Variants in RASSF6 observed in about 807,000 individuals in gnomAD.
RASSF6 encodes the protein Ras association domain family member 6, also known as ras association domain-containing protein 6.
Under a neutral mutation model 44.0 loss-of-function variants are expected in RASSF6, and 52 were observed. The ratio of observed to expected loss-of-function variants is 1.18; its 90% CI spans 0.95 to 1.49. The LOEUF (loss-of-function observed/expected upper bound fraction) is 1.49. Ranked by LOEUF, RASSF6 falls within the 40% of genes most tolerant of loss-of-function variation. RASSF6 has a pLI of 0.00. For synonymous variants in RASSF6, 162 were observed against 124.6 expected, an observed-to-expected ratio of 1.30 and a Z score of -2.00; for missense variants, 464 against 393.3, an observed-to-expected ratio of 1.18 and a Z score of -1.52.
intron 3 of RASSF6, among the ~76,000 whole-genome samples, chr4:73,595,419 G>A (rs1016040578): frequency 1.3e-5 from 2 of 151,950 alleles, no homozygotes; most frequent in Non-Finnish European, 2.9e-5. Context: ...GGCTGGTCTC[G>A]AACTCCTGAT....
At chr4:73,588,038 T>C (rs1724238944) in intron 4 of RASSF6, 104 bp from the exon 5 acceptor site, 5 of 627,148 alleles carry the variant, frequency 8.0e-6, no homozygotes, top group South Asian at 7.7e-5. Context: ...TGGGCCTCTG[T>C]AGGTGGATAT....
In RASSF6 at chr4:73,602,968, G is replaced by A. The variant is rs1337757784; in HGVS notation, c.66-4250C>T. Among the ~76,000 whole-genome samples, 6 of 152,062 alleles carry A rather than the reference G, an allele frequency of 3.9e-5. No individual in the cohort carries two copies. The East Asian group carries it at 1.2e-3, about 29-fold the overall frequency. ...CAGGGCGCGGTGGCGGGCGCTTGTA[G>A]TCCCAGCTACTCAGGAGGCTGAGGC... On this transcript the variant is annotated intron_variant, in intron 2 of 10. Coordinates refer to ENST00000307439, the MANE Select transcript of RASSF6 (RefSeq NM_177532.5).
At chr4:73,605,211 G>A (rs1050336429) in intron 2 of RASSF6, among the ~76,000 whole-genome samples, 4 of 152,074 alleles carry the variant, frequency 2.6e-5, no homozygotes, top group Admixed American at 6.5e-5. Context: ...TATAAGAAAC[G>A]TGTGATACTT....
intron 4 of RASSF6, among the ~76,000 whole-genome samples, chr4:73,589,937 A>G (rs1459969521): frequency 6.6e-6 from 1 of 152,206 alleles, no homozygotes; most frequent in Admixed American, 6.5e-5. Flanking sequence ...CACTGACGTT[A>G]TTCAAATGTA....
chr4:73,593,684 G>T lies in RASSF6; in HGVS notation c.145-91C>A. 75 of 936,822 alleles carry T rather than the reference G, an allele frequency of 8.0e-5. No homozygotes were observed. In the Middle Eastern group the frequency reaches 1.1e-3, roughly 14 times the overall value. 58.0% of individuals were successfully genotyped at this position (936,822 alleles called of 1,614,324 possible). On this transcript the variant is annotated intron_variant, in intron 3 of 10. Transcript: ENST00000307439. ...GAAGATGTAGAAATTAAGTGCGTAA[G>T]AAACCTAAATAGATTAAAAAGAAAC...
chr4:73,611,952 A>C (rs1726045968), intron 1 of RASSF6, 123 bp from the exon 2 acceptor site: 1 of 558,934 alleles, frequency 1.8e-6, no homozygotes, highest in Admixed American at 2.9e-5. Flanking sequence ...GTTTTTAAGT[A>C]GTATGTCATG....
intron 2 of RASSF6, among the ~76,000 whole-genome samples, chr4:73,599,860 C>T (rs965807689): frequency 6.6e-6 from 1 of 152,176 alleles, no homozygotes; most frequent in Non-Finnish European, 1.5e-5. Context: ...AACTGGTCTT[C>T]TGTTACCTCT....
chr4:73,600,451 T>A (rs1725205591), intron 2 of RASSF6, among the ~76,000 whole-genome samples: 1 of 152,134 alleles, frequency 6.6e-6, no homozygotes, highest in Admixed American at 6.5e-5. Context: ...CTAAAATCCC[T>A]TTGATCCTCA....
chr4:73,615,978 C>A, intron 1 of RASSF6: 2 of 1,506,036 alleles, frequency 1.3e-6, no homozygotes, highest in South Asian at 1.2e-5. Flanking sequence ...TTTAAAGTAA[C>A]TTCCTGTTAT....
chr4:73,581,757 C>G (rs1723663884), intron 8 of RASSF6, 60 bp downstream of exon 8: 3 of 1,136,232 alleles, frequency 2.6e-6, no homozygotes, highest in Non-Finnish European at 2.6e-6. Context: ...CTGCCTTCCC[C>G]CTGGGCAGCA....
At chr4:73,618,062 C>T (rs1441387561) in intron 1 of RASSF6, among the ~76,000 whole-genome samples, 8 of 152,100 alleles carry the variant, frequency 5.3e-5, no homozygotes, top group Non-Finnish European at 1.0e-4. Flanking sequence ...AGGTATAGAA[C>T]TTTTAATTAC....
chr4:73,612,881 C>A lies in RASSF6; in HGVS notation c.-34-1052G>T, dbSNP rs1463114389. On this transcript the variant is annotated intron_variant, in intron 1 of 10. Transcript: ENST00000307439. ...CAAGTTTTCTTCAATTCCACTCAAA[C>A]CTACCTTTCCAGGCTCCAAATTGAA... Among the ~76,000 whole-genome samples the A allele has an allele frequency of 2.6e-5, 4 of 152,160 alleles. No individual in the cohort carries two copies. The East Asian group carries it at 7.7e-4, about 29-fold the overall frequency.
At chr4:73,602,932 C>CA (rs1240554792) in intron 2 of RASSF6, among the ~76,000 whole-genome samples, 3 of 151,990 alleles carry the variant, frequency 2.0e-5, no homozygotes, top group Non-Finnish European at 4.4e-5. Flanking sequence ...ACTAAATATA[C>CA]AAAAAATTAG....
intron 1 of RASSF6, among the ~76,000 whole-genome samples, chr4:73,620,015 G>A (rs568841836): frequency 2.0e-5 from 3 of 152,156 alleles, no homozygotes; most frequent in African/African-American, 4.8e-5. Context: ...CTAAAGGGAG[G>A]AGGGGTCCTA....
intron 2 of RASSF6, among the ~76,000 whole-genome samples, chr4:73,602,313 G>T (rs964388972): frequency 2.6e-5 from 4 of 152,226 alleles, no homozygotes; most frequent in Non-Finnish European, 5.9e-5. Context: ...ACAAGATAGA[G>T]CCAGCAAGAT....
intron 1 of RASSF6, among the ~76,000 whole-genome samples, chr4:73,616,777 C>G (rs1458364038): frequency 2.0e-5 from 3 of 152,120 alleles, no homozygotes; most frequent in Non-Finnish European, 2.9e-5. Context: ...CACGGAGAGT[C>G]TTTTTAATAA....
chr4:73,589,984 A>T (rs1724405843), intron 4 of RASSF6, among the ~76,000 whole-genome samples: 1 of 152,198 alleles, frequency 6.6e-6, no homozygotes, highest in African/African-American at 2.4e-5. Context: ...TTATTCTGTC[A>T]TGACTTGTCC....
chr4:73,583,930 G>A (rs1723871949), intron 6 of RASSF6, among the ~76,000 whole-genome samples: 1 of 152,092 alleles, frequency 6.6e-6, no homozygotes, highest in Admixed American at 6.6e-5. Context: ...CCAACCTAGT[G>A]TCAATTTCAT....
chr4:73,582,128 G>T, intron 7 of RASSF6, 61 bp downstream of exon 7: 1 of 809,626 alleles, frequency 1.2e-6, no homozygotes, highest in Non-Finnish European at 2.0e-6. Flanking sequence ...GAGTGGATTT[G>T]TGTGTTTATA....
Sources: gnomAD v4.1 joint callset for allele counts (sites outside exome capture counted in the v4.1 genomes callset) on GRCh38, gnomAD v4.1.1 for gene constraint, MANE v1.5 for transcripts, NCBI Gene and HGNC (gene_info 2026-07-23, HGNC 2026-07-21) for gene names.